SPTBN5: variants seen among roughly 807,000 people sequenced by gnomAD.
SPTBN5 encodes spectrin beta, non-erythrocytic 5, also known as spectrin beta chain, non-erythrocytic 5.
Under a neutral mutation model 477.6 loss-of-function variants are expected in SPTBN5, and 513 were observed. The observed-to-expected ratio is 1.07, with a 90% CI of 1.00 to 1.16. SPTBN5 has a LOEUF of 1.16. SPTBN5 is among the 50% of genes most tolerant of loss of function. SPTBN5 has a pLI of 0.00. For missense variants in SPTBN5, 5,062 were observed against 4,731.8 expected (o/e 1.07, Z -2.05); for synonymous variants, 2,169 against 2,011.7 (o/e 1.08, Z -2.09).
At chr15:41,880,934 C>G (rs2066928893) in intron 13 of SPTBN5, 100 bp downstream of exon 13, 5 of 1,056,302 alleles carry the variant, frequency 4.7e-6, no homozygotes, top group Non-Finnish European at 5.5e-6. Flanking sequence ...TCCTTGAGGA[C>G]AGGGAACATG....
rs373378748 is a variant in SPTBN5 at position 41,887,959 on chromosome 15, G to T, written c.628C>A (p.Leu210Met). ...TDFSRSWSDG[L>M]GFNALIHAHR... The stretch of plus-strand genomic sequence containing the variant: ...GCATGGATGAGGGCATTGAAGCCCA[G>T]CCCATCGCTCCAGCTTCGGGAGAAA... The change falls in exon 5 of 68, where the codon CTG (leucine) becomes ATG (methionine). Residue 210 changes from leucine to methionine, a missense_variant. Leu to Met is a conservative substitution (Grantham distance 15). Coordinates refer to ENST00000320955, the MANE Select transcript of SPTBN5 (RefSeq NM_016642.4). The T allele has an allele frequency of 2.3e-5, 37 of 1,609,496 alleles. No homozygotes were observed. Among genetic ancestry groups the T allele is most frequent in the Non-Finnish European group, 3.0e-5 (35 of 1,178,274 alleles).
intron 55 of SPTBN5, 29 bp downstream of exon 55, chr15:41,855,195 C>G: frequency 6.3e-7 from 1 of 1,591,410 alleles, no homozygotes; most frequent in Non-Finnish European, 8.6e-7. Context: ...CTGCCCACTC[C>G]CCGTGAGGTT....
At chr15:41,869,771 G>T in intron 32 of SPTBN5, 70 bp downstream of exon 32, 2 of 1,383,740 alleles carry the variant, frequency 1.4e-6, no homozygotes, top group Non-Finnish European at 9.4e-7. Flanking sequence ...GGCCTCATGC[G>T]TGCATGCCCA....
At chr15:41,853,531 C>A in intron 58 of SPTBN5, 51 bp downstream of exon 58, 2 of 1,540,988 alleles carry the variant, frequency 1.3e-6, no homozygotes, top group East Asian at 2.3e-5. Context: ...AGCCAGGATA[C>A]CCCCACCCCA....
Position 41,866,190 on chromosome 15 carries a change from C to T in SPTBN5, c.6670G>A (p.Gly2224Arg), listed in dbSNP as rs775843463. 53 of 1,579,560 alleles carry T rather than the reference C, an allele frequency of 3.4e-5. 1 individual carries two copies. The South Asian group carries it at 4.9e-4, about 15-fold the overall frequency. ...CCCTGCAGCCGCTGGGAGACCTCTC[C>T]GGCTCGAGGGTGACTCTGTGCCAGG... ...ALLAQSHPRA[G>R]EVSQRLQGLR... is the part of the protein sequence containing the mutation. The change falls in exon 38 of 68, where the codon GGA becomes AGA. Residue 2224 changes from glycine to arginine, a missense_variant. Coordinates refer to ENST00000320955, the MANE Select transcript of SPTBN5 (RefSeq NM_016642.4).
chr15:41,852,581 G>A (rs543636351), intron 61 of SPTBN5, 53 bp downstream of exon 61: 2 of 1,564,232 alleles, frequency 1.3e-6, no homozygotes, highest in African/African-American at 2.7e-5. Context: ...CTTGCAGGCT[G>A]AGAGGGACTG....
chr15:41,853,262 G>T lies in SPTBN5; in HGVS notation c.10166C>A (p.Ala3389Glu). The change falls in exon 59 of 68, where the codon GCG becomes GAG. Residue 3389 changes from alanine (A) to glutamate (E), a missense_variant. Coordinates refer to ENST00000320955, the MANE Select transcript of SPTBN5 (RefSeq NM_016642.4). ...GCCCACCCTCTGAGTTCACACCTCC[G>T]CAGACATGAAGTGGCTGTTGTCCAC... Reference protein sequence around the residue: ...QLVDNSHFMSAEVTECLQELE... With the variant: ...QLVDNSHFMSEEVTECLQELE... 1 of 1,597,726 alleles carries T rather than the reference G, an allele frequency of 6.3e-7. No individual in the cohort carries two copies. Among genetic ancestry groups the T allele is most frequent in the Non-Finnish European group, 8.6e-7 (1 of 1,168,712 alleles).
chr15:41,857,928 TAGC>T (rs2065976542), intron 49 of SPTBN5, among the ~76,000 whole-genome samples: 1 of 152,354 alleles, frequency 6.6e-6, no homozygotes, highest in Non-Finnish European at 1.5e-5. Context: ...ATAAAATACT[TAGC>T]AGGGTGATTT....
rs372995713 is a variant in SPTBN5 at position 41,870,327 on chromosome 15, A to G, written c.5589T>C (p.Asn1863=). The change falls in exon 31 of 68, where the codon AAT becomes AAC. Residue 1863 remains asparagine, a synonymous_variant. Coordinates refer to ENST00000320955, the MANE Select transcript of SPTBN5 (RefSeq NM_016642.4). ...CCAGCCCACACAGGTCCCGTGCCAC[A>G]TTGTTGGGGAGGCTCGTGGCTTTCT... is the stretch of plus-strand genomic sequence containing the variant. ...VQEKATSLPN[N]VARDLCGLEA... 31 of 1,569,674 alleles carry G rather than the reference A, an allele frequency of 2.0e-5. No individual in the cohort carries two copies. The South Asian group carries it at 2.0e-4, about 10-fold the overall frequency.
In SPTBN5 at chr15:41,861,464, A is replaced by G; in HGVS notation, c.7770T>C (p.Arg2590=). Residue 2590 remains arginine (R), a synonymous_variant, in exon 46 of 68, where the codon CGT becomes CGC. Coordinates refer to ENST00000320955, the MANE Select transcript of SPTBN5 (RefSeq NM_016642.4). The part of the protein sequence containing the change: ...LFLSSVEKME[R]WLCSKEDSLA... ...GGGAGTCTTCCTTGCTGCAAAGCCAACGTTCCATCTTCTCCACTGAGCTCA... is the reference window on the plus strand; with the variant it reads ...GGGAGTCTTCCTTGCTGCAAAGCCAGCGTTCCATCTTCTCCACTGAGCTCA... 1.2e-6 allele frequency: 2 copies of G among 1,613,634 alleles called. No individual in the cohort carries two copies. Among genetic ancestry groups the G allele is most frequent in the Non-Finnish European group, 8.5e-7 (1 of 1,179,902 alleles).
At chr15:41,858,148 A>T (rs1301943068) in intron 49 of SPTBN5, among the ~76,000 whole-genome samples, 1 of 152,160 alleles carries the variant, frequency 6.6e-6, no homozygotes, top group Non-Finnish European at 1.5e-5. Context: ...AATACAAAAA[A>T]GTAGCTGGAT....
Position 41,893,705 on chromosome 15 carries a change from T to G in SPTBN5, c.-49-159A>C. ...GTGCTTCTGGTCCCCTGTGCTTGAA[T>G]GGCCCAGGGCCCCCTTTGCCCCACC... On this transcript the variant is annotated intron_variant, in intron 1 of 67. Coordinates refer to ENST00000320955, the MANE Select transcript of SPTBN5 (RefSeq NM_016642.4). The G allele has an allele frequency of 4.4e-6, 4 of 902,740 alleles. No homozygotes were observed. The South Asian group carries it at 7.2e-5, about 16-fold the overall frequency. The allele number at this position is 902,740 out of a possible 1,614,324, so 55.9% of individuals were successfully genotyped here. A position where few individuals can be genotyped will look rare whatever the true frequency, so the allele number is the denominator to read the frequency against.
intron 4 of SPTBN5, 26 bp from the exon 5 acceptor site, chr15:41,888,111 C>A: frequency 6.4e-7 from 1 of 1,550,906 alleles, no homozygotes; most frequent in African/African-American, 1.4e-5. Flanking sequence ...AGCAGGGTCA[C>A]CATGCGGGGA....
In SPTBN5 at chr15:41,883,228, C is replaced by G; in HGVS notation, c.1660G>C (p.Glu554Gln). 6.2e-7 allele frequency: 1 copy of G among 1,609,010 alleles called. No homozygotes were observed. The highest frequency in any genetic ancestry group is 8.5e-7 in the Non-Finnish European group (1 of 1,177,908). The part of the protein sequence containing the change: ...AASHQLEELQ[E>Q]PARSTACGQQ... ...CCACAGGCGGTGGACCTGGCCGGCTCCTGGCCAGAGATGATGGTCATTGCA... is the reference window on the plus strand; with the variant it reads ...CCACAGGCGGTGGACCTGGCCGGCTGCTGGCCAGAGATGATGGTCATTGCA... The change falls in exon 9 of 68, where the codon GAG becomes CAG. Residue 554 changes from glutamate to glutamine, a missense_variant and splice_region_variant. Glu to Gln is a conservative substitution (Grantham distance 29, BLOSUM62 2). Transcript: ENST00000320955.
intron 23 of SPTBN5, 104 bp downstream of exon 23, chr15:41,874,738 T>G: frequency 8.5e-7 from 1 of 1,182,920 alleles, no homozygotes; most frequent in Non-Finnish European, 1.2e-6. Flanking sequence ...ACTCTACTCA[T>G]AAGGGAGGAG....
chr15:41,852,208 G>T lies in SPTBN5; in HGVS notation c.10558C>A (p.Gln3520Lys). The T allele has an allele frequency of 6.2e-7, 1 of 1,604,148 alleles. No homozygotes were observed. Among genetic ancestry groups the T allele is most frequent in the Non-Finnish European group, 8.5e-7 (1 of 1,173,514 alleles). Residue 3520 changes from glutamine to lysine, a missense_variant, in exon 62 of 68, where the codon CAG becomes AAG. Coordinates refer to ENST00000320955, the MANE Select transcript of SPTBN5 (RefSeq NM_016642.4). ...RPSGHQGLGA[Q>K]LAETRDPQDA... ...TGGGGGTCCCTCGTCTCAGCCAGCT[G>T]TGCTCCTAGCCCCTGGTGTCCAGAG...
At position 41,868,618 on chromosome 15, in the gene SPTBN5, G is replaced by C; in HGVS notation, c.5854-17C>G. On this transcript the variant is annotated splice_polypyrimidine_tract_variant and intron_variant, in intron 32 of 67. Transcript: ENST00000320955. ...GTCACGCACCTGATCCCGGGGACAC[G>C]GAGGGAGAGCCGGGTGAGGGCTGGG... The C allele has an allele frequency of 6.3e-7, 1 of 1,594,316 alleles. No individual in the cohort carries two copies. The highest frequency in any genetic ancestry group is 8.5e-7 in the Non-Finnish European group (1 of 1,175,882).
rs1595466930 is a variant in SPTBN5, at chr15:41,865,845, CGG to C, written c.6879_6880del (p.Arg2294ThrfsTer17). On this transcript the variant is annotated frameshift_variant, in exon 39 of 68. Coordinates refer to ENST00000320955, the MANE Select transcript of SPTBN5 (RefSeq NM_016642.4). LOFTEE classifies it high-confidence loss of function. ...TCCTCGGAACTCGCGGAGCCGCCGT[CGG>C]AGCTGCAGGCAGTGCTCCAGGTCCT... The C allele has an allele frequency of 5.1e-6, 8 of 1,579,860 alleles. No individual in the cohort carries two copies. The highest frequency in any genetic ancestry group is 1.8e-5 in the Admixed American group (1 of 55,658).
rs114377159 is a variant in SPTBN5, at chr15:41,883,737, G to A, written c.1521-251C>T. 1.0e-2 allele frequency among the ~76,000 whole-genome samples: 1,518 copies of A among 152,276 alleles called. 24 individuals carry two copies. The highest frequency in any genetic ancestry group is 0.035 in the African/African-American group (1,442 of 41,542). On this transcript the variant is annotated intron_variant, in intron 7 of 67. Coordinates refer to ENST00000320955, the MANE Select transcript of SPTBN5 (RefSeq NM_016642.4). ...GCCTTTGGGGCCCCCTAACTTGGATGCAGTCCCCATTTCAGTTGATGAAAA... is the reference window on the plus strand; with the variant it reads ...GCCTTTGGGGCCCCCTAACTTGGATACAGTCCCCATTTCAGTTGATGAAAA...
Sources: allele counts gnomAD v4.1 joint callset (sites outside exome capture counted in the v4.1 genomes callset), GRCh38; gene constraint gnomAD v4.1.1; transcripts MANE v1.5; gene names NCBI Gene and HGNC (gene_info 2026-07-23, HGNC 2026-07-21).